Variants in ZRANB3 observed in about 807,000 individuals in gnomAD.
ZRANB3 encodes the protein zinc finger RANBP2-type containing 3.
Under a neutral mutation model 133.8 loss-of-function variants are expected in ZRANB3, and 125 were observed. The observed-to-expected ratio is 0.93, with a 90% CI of 0.81 to 1.08. The LOEUF (loss-of-function observed/expected upper bound fraction) is 1.08. ZRANB3 is among the 50% of genes least tolerant of loss of function. The probability of loss-of-function intolerance (pLI) is 0.00; values close to 1 mark genes in which losing one functional copy is unlikely to be tolerated. For synonymous variants in ZRANB3, 387 were observed against 432.7 expected (o/e 0.89, Z 1.31); for missense variants, 1,229 against 1,275.5 (o/e 0.96, Z 0.56).
At chr2:135,481,509 A>G (rs1691807927) in intron 2 of ZRANB3, among the ~76,000 whole-genome samples, 1 of 152,118 alleles carries the variant, frequency 6.6e-6, no homozygotes, top group African/African-American at 2.4e-5. Flanking sequence ...TAGATTCTGT[A>G]TATTAGCCCT....
intron 17 of ZRANB3, among the ~76,000 whole-genome samples, chr2:135,216,657 A>G (rs1031323393): frequency 3.4e-5 from 5 of 149,022 alleles, no homozygotes; most frequent in Non-Finnish European, 7.4e-5. Context: ...CAGGCTGATC[A>G]TTGAACTCCT....
intron 6 of ZRANB3, among the ~76,000 whole-genome samples, chr2:135,342,747 G>A (rs1663880356): frequency 6.7e-6 from 1 of 149,210 alleles, no homozygotes. Context: ...TCCTTTTCTG[G>A]ATTTTAGTGT....
chr2:135,328,861 C>A (rs1683982522), intron 6 of ZRANB3, among the ~76,000 whole-genome samples: 1 of 152,162 alleles, frequency 6.6e-6, no homozygotes, highest in Non-Finnish European at 1.5e-5. Context: ...TAAGTGTCTT[C>A]TTTTGAGAAG....
intron 1 of ZRANB3, among the ~76,000 whole-genome samples, chr2:135,514,783 T>C (rs968400205): frequency 1.3e-5 from 2 of 152,230 alleles, no homozygotes; most frequent in African/African-American, 4.8e-5. Flanking sequence ...GTGTCATAAA[T>C]AGCTCTTATC....
chr2:135,487,573 C>A (rs1446187930), intron 2 of ZRANB3, among the ~76,000 whole-genome samples: 1 of 152,184 alleles, frequency 6.6e-6, no homozygotes, highest in African/African-American at 2.4e-5. Context: ...TTCTGAGTAA[C>A]CTGCTGCAGC....
intron 2 of ZRANB3, among the ~76,000 whole-genome samples, chr2:135,435,202 T>C: frequency 6.6e-6 from 1 of 152,186 alleles, no homozygotes; most frequent in East Asian, 1.9e-4. Flanking sequence ...TGTTTATAAG[T>C]TCTTATCATT....
intron 6 of ZRANB3, among the ~76,000 whole-genome samples, chr2:135,341,858 T>C (rs899885284): frequency 2.0e-5 from 3 of 150,028 alleles, no homozygotes; most frequent in Non-Finnish European, 4.4e-5. Context: ...GATTCCAGCC[T>C]GGCAAATTCT....
At chr2:135,520,567 C>T (rs1388706486) in intron 1 of ZRANB3, among the ~76,000 whole-genome samples, 1 of 151,462 alleles carries the variant, frequency 6.6e-6, no homozygotes, top group African/African-American at 2.4e-5. Context: ...CATCTGCCAC[C>T]ACACCTGGCT....
chr2:135,402,002 G>T (rs1251807750), intron 2 of ZRANB3, among the ~76,000 whole-genome samples: 1 of 151,722 alleles, frequency 6.6e-6, no homozygotes, highest in Non-Finnish European at 1.5e-5. Flanking sequence ...TTTTTATTTT[G>T]CCTTATTTGT....
At chr2:135,466,437 C>T (rs1247807454) in intron 2 of ZRANB3, among the ~76,000 whole-genome samples, 4 of 124,284 alleles carry the variant, frequency 3.2e-5, no homozygotes, top group African/African-American at 8.6e-5. Flanking sequence ...GATGAATAAA[C>T]TATTATAAGA....
intron 8 of ZRANB3, among the ~76,000 whole-genome samples, chr2:135,303,941 C>A (rs1027446127): frequency 6.6e-6 from 1 of 151,972 alleles, no homozygotes; most frequent in African/African-American, 2.4e-5. Context: ...ATTTTTATTG[C>A]CAGTATACAG....
chr2:135,429,348 C>T (rs779208078), intron 2 of ZRANB3, among the ~76,000 whole-genome samples: 3 of 152,008 alleles, frequency 2.0e-5, no homozygotes, highest in Non-Finnish European at 4.4e-5. Context: ...TACAGATGAA[C>T]GCAAAGAAGA....
intron 9 of ZRANB3, among the ~76,000 whole-genome samples, chr2:135,272,162 A>G (rs1191494605): frequency 6.6e-6 from 1 of 152,208 alleles, no homozygotes; most frequent in East Asian, 1.9e-4. Context: ...TGCCTTGTAT[A>G]TAGCAGAAGC....
chr2:135,198,957 G>A lies in ZRANB3; in HGVS notation c.*1385C>T, dbSNP rs1043266830. 6.6e-6 allele frequency: 1 copy of A among 152,162 alleles called. No homozygotes were observed. The highest frequency in any genetic ancestry group is 6.5e-5 in the Admixed American group (1 of 15,278). The allele number at this position is 152,162 out of a possible 1,614,324, so 9.4% of individuals were successfully genotyped here. A position where few individuals can be genotyped will look rare whatever the true frequency, so the allele number is the denominator to read the frequency against. On this transcript the variant is annotated 3_prime_UTR_variant, in exon 21 of 21. Transcript: ENST00000264159. ...AACTAAAGAGGTATATGTCCTAATA[G>A]TATTTACAAACAGCTCCCTTTTGGG...
chr2:135,522,132 A>G (rs1693972565), intron 1 of ZRANB3, among the ~76,000 whole-genome samples: 1 of 152,176 alleles, frequency 6.6e-6, no homozygotes. Context: ...TCAGTCCCGA[A>G]AAGTTAAAGA....
chr2:135,404,607 A>G (rs1041898994), intron 2 of ZRANB3, among the ~76,000 whole-genome samples: 2 of 152,198 alleles, frequency 1.3e-5, no homozygotes, highest in African/African-American at 4.8e-5. Context: ...AGAATGCTAC[A>G]AAGATACTCC....
intron 12 of ZRANB3, among the ~76,000 whole-genome samples, chr2:135,243,637 G>A (rs1367344418): frequency 1.3e-5 from 2 of 150,388 alleles, no homozygotes; most frequent in Non-Finnish European, 2.9e-5. Context: ...TTTTCTTTCT[G>A]AAGCAGGTTC....
intron 6 of ZRANB3, among the ~76,000 whole-genome samples, chr2:135,340,145 G>A (rs1243505871): frequency 1.4e-5 from 2 of 140,704 alleles, no homozygotes; most frequent in Non-Finnish European, 3.0e-5. Context: ...TGCTCTTGTC[G>A]CCCAGGCTGG....
chr2:135,236,235 A>T (rs1254110206), intron 12 of ZRANB3, among the ~76,000 whole-genome samples: 1 of 152,120 alleles, frequency 6.6e-6, no homozygotes, highest in African/African-American at 2.4e-5. Context: ...TTAGAAAGGA[A>T]GTGAAGGACC....
Sources: gnomAD v4.1 joint callset for allele counts (sites outside exome capture counted in the v4.1 genomes callset) on GRCh38, gnomAD v4.1.1 for gene constraint, MANE v1.5 for transcripts, NCBI Gene and HGNC (gene_info 2026-07-23, HGNC 2026-07-21) for gene names.